The following IMPACT variants were observed in gnomAD, a reference collection of about 807,000 sequenced individuals.
IMPACT encodes impact RWD domain protein.
A neutral mutation model predicts 47.5 loss-of-function variants in IMPACT; 35 were observed. That is an observed-to-expected ratio of 0.74 (90% CI 0.56 to 0.98). The LOEUF (loss-of-function observed/expected upper bound fraction) is 0.98, where lower values mean the gene tolerates loss of function less well. Ranked by LOEUF, IMPACT falls within the 50% of genes least tolerant of loss-of-function variation. The pLI is 0.00. For synonymous variants in IMPACT, 118 were observed against 125.6 expected (o/e 0.94, Z 0.40); for missense variants, 373 against 394.8 (o/e 0.94, Z 0.47).
At chr18:24,433,734 A>T (rs1908828803) in intron 4 of IMPACT, among the ~76,000 whole-genome samples, 1 of 143,638 alleles carries the variant, frequency 7.0e-6, no homozygotes, top group South Asian at 2.2e-4. Context: ...GCAGTGGTGC[A>T]ATTTCAGCTC....
chr18:24,432,429 TG>T (rs1034766619), intron 4 of IMPACT, among the ~76,000 whole-genome samples: 58 of 152,292 alleles, frequency 3.8e-4, no homozygotes, highest in African/African-American at 1.3e-3. Context: ...TTTGTGTCCC[TG>T]GGATCCAGGC....
At chr18:24,428,718 T>C (rs1908674643) in intron 2 of IMPACT, 151 bp from the exon 3 acceptor site, 1 of 525,748 alleles carries the variant, frequency 1.9e-6, no homozygotes, top group Admixed American at 3.8e-5. Flanking sequence ...TTCATCCACT[T>C]GGGGTCAGGG....
intron 1 of IMPACT, chr18:24,427,005 C>G (rs1908626996): frequency 5.1e-6 from 2 of 394,542 alleles, no homozygotes; most frequent in Non-Finnish European, 8.9e-6. Flanking sequence ...GCGGTCTCGG[C>G]CTGTCTCGGA....
chr18:24,432,532 C>A (rs1229785203), intron 4 of IMPACT, among the ~76,000 whole-genome samples: 2 of 152,032 alleles, frequency 1.3e-5, no homozygotes, highest in African/African-American at 4.8e-5. Flanking sequence ...CAAGTATGGT[C>A]TTCCTTGGGT....
In IMPACT at chr18:24,440,546, G is replaced by GATCT; in HGVS notation, c.419_422dup (p.Ile142SerfsTer12). ...AGAGGAAGATGTTGAATGTGAAGAT[G>GATCT]ATCTCATTTTAGCATGTCAGCCGGA... is the stretch of plus-strand genomic sequence containing the variant. On this transcript the variant is annotated frameshift_variant, in exon 6 of 11. Coordinates refer to ENST00000284202, the MANE Select transcript of IMPACT (RefSeq NM_018439.4). LOFTEE classifies it high-confidence loss of function. 1.2e-6 allele frequency: 2 copies of GATCT among 1,612,806 alleles called. No homozygotes were observed. The highest frequency in any genetic ancestry group is 2.2e-5 in the South Asian group (2 of 90,984).
At chr18:24,428,262 A>G (rs1003337760) in intron 2 of IMPACT, among the ~76,000 whole-genome samples, 1 of 152,250 alleles carries the variant, frequency 6.6e-6, no homozygotes, top group Middle Eastern at 3.2e-3. Flanking sequence ...TTAATCATTT[A>G]AAAGTGTTAA....
chr18:24,437,752 A>G (rs1908985365), intron 4 of IMPACT, among the ~76,000 whole-genome samples: 1 of 152,190 alleles, frequency 6.6e-6, no homozygotes, highest in South Asian at 2.1e-4. Context: ...TTTTGGAGTC[A>G]ACTGGAATTT....
At chr18:24,445,498 A>C in intron 8 of IMPACT, 32 bp downstream of exon 8, 1 of 1,316,464 alleles carries the variant, frequency 7.6e-7, no homozygotes, top group Non-Finnish European at 1.1e-6. Context: ...TAGTATACTC[A>C]GTTTGTTAAA....
intron 4 of IMPACT, among the ~76,000 whole-genome samples, chr18:24,430,750 A>C (rs1908732952): frequency 6.6e-6 from 1 of 152,214 alleles, no homozygotes; most frequent in African/African-American, 2.4e-5. Flanking sequence ...AATAAATTAA[A>C]AAAAAGTTAT....
At chr18:24,427,662 A>T in intron 1 of IMPACT, 1 of 425,800 alleles carries the variant, frequency 2.3e-6, no homozygotes, top group Non-Finnish European at 4.1e-6. Flanking sequence ...CATATATATT[A>T]TATTTTGACT....
intron 4 of IMPACT, among the ~76,000 whole-genome samples, chr18:24,436,573 G>C (rs934539628): frequency 6.9e-6 from 1 of 145,958 alleles, no homozygotes; most frequent in East Asian, 2.1e-4. Flanking sequence ...TTTTGAGAAG[G>C]GGTCTTTTTC....
At chr18:24,428,810 T>G (rs1216957545) in intron 2 of IMPACT, 59 bp from the exon 3 acceptor site, 6 of 1,335,142 alleles carry the variant, frequency 4.5e-6, no homozygotes, top group Non-Finnish European at 6.3e-6. Flanking sequence ...GCTTTATAAA[T>G]ATGGTTACTT....
intron 8 of IMPACT, among the ~76,000 whole-genome samples, chr18:24,446,106 C>G (rs1909242474): frequency 6.6e-6 from 1 of 152,064 alleles, no homozygotes; most frequent in African/African-American, 2.4e-5. Flanking sequence ...GTTTTTGAGA[C>G]AGGGTCTCAA....
rs1909291865 is a variant in IMPACT at position 24,448,162 on chromosome 18, G to A, written c.738G>A (p.Gly246=). The change falls in exon 9 of 11, where the codon GGG becomes GGA. Residue 246 remains glycine, a synonymous_variant. Transcript: ENST00000284202. ...ATGATGGGGAAACAGCAGCTGGTGG[G>A]CGTCTTCTTCATCTCATGGAGGTAG... ...CEDDGETAAG[G]RLLHLMEILN... The A allele has an allele frequency of 1.9e-6, 3 of 1,613,092 alleles. No individual in the cohort carries two copies. In the South Asian group the frequency reaches 3.3e-5, roughly 18 times the overall value.
intron 4 of IMPACT, among the ~76,000 whole-genome samples, chr18:24,433,062 A>G (rs529706809): frequency 5.3e-4 from 80 of 152,096 alleles, no homozygotes; most frequent in African/African-American, 1.9e-3. Context: ...AGATTACAAT[A>G]TAGTTTGTTC....
At position 24,453,514 on chromosome 18, in the gene IMPACT, ATTC is replaced by A. The variant is rs34999251; in HGVS notation, c.*2672_*2674del. 18,994 of 152,166 alleles carry A rather than the reference ATTC, an allele frequency of 0.12. 1,453 individuals are homozygous for A. The highest frequency in any genetic ancestry group is 0.16 in the Non-Finnish European group (10,758 of 67,982). The allele number at this position is 152,166 out of a possible 1,614,324, so 9.4% of individuals were successfully genotyped here. ...GTTAACATTTTCCATGTCAATAAAT[ATTC>A]TTCTATGGCTTAAATGTCTTATGAC... On this transcript the variant is annotated 3_prime_UTR_variant, in exon 11 of 11. Transcript: ENST00000284202.
rs557491352 is a variant in IMPACT at position 24,445,443 on chromosome 18, C to G, written c.645C>G (p.Ala215=). 1 of 1,605,158 alleles carries G rather than the reference C, an allele frequency of 6.2e-7. No individual in the cohort carries two copies. Among genetic ancestry groups the G allele is most frequent in the African/African-American group, 1.3e-5 (1 of 74,650 alleles). Residue 215 remains alanine, a synonymous_variant, in exon 8 of 11, where the codon GCC becomes GCG. Transcript: ENST00000284202. Reference sequence around the variant, plus strand: ...ATGAGAATAAGAAAATAGCTAGTGCCACCCACAACATCTATGCCTACAGGT... The same window carrying G: ...ATGAGAATAAGAAAATAGCTAGTGCGACCCACAACATCTATGCCTACAGGT... ...KLYENKKIAS[A]THNIYAYRIY...
rs1909392603 is a variant in IMPACT at position 24,451,718 on chromosome 18, G to A, written c.*871G>A. 6.6e-6 allele frequency: 1 copy of A among 152,212 alleles called. No individual in the cohort carries two copies. The highest frequency in any genetic ancestry group is 2.4e-5 in the African/African-American group (1 of 41,434). 9.4% of individuals were successfully genotyped at this position (152,212 alleles called of 1,614,324 possible). A position where few individuals can be genotyped will look rare whatever the true frequency, so the allele number is the denominator to read the frequency against. On this transcript the variant is annotated 3_prime_UTR_variant, in exon 11 of 11. Transcript: ENST00000284202. The stretch of plus-strand genomic sequence containing the variant: ...TGGCAAATGGGACATTCGTAGAGTG[G>A]GATAGAGGTGGCAGAATGAACCTGG...
chr18:24,440,601 T>A lies in IMPACT; in HGVS notation c.473T>A (p.Ile158Asn). ...TCGCTTAAAGCATTGGATTTTGATATCAGTGAAACTCGGACAGGTATAATG... is the reference window on the plus strand; with the variant it reads ...TCGCTTAAAGCATTGGATTTTGATAACAGTGAAACTCGGACAGGTATAATG... ...ESSLKALDFD[I>N]SETRTEVEVE... is the part of the protein sequence containing the mutation. The change falls in exon 6 of 11, where the codon ATC (isoleucine) becomes AAC (asparagine). Residue 158 changes from isoleucine (I) to asparagine (N), a missense_variant. By Grantham distance (149) the Ile-to-Asn change is moderately radical (BLOSUM62 -3). Coordinates refer to ENST00000284202, the MANE Select transcript of IMPACT (RefSeq NM_018439.4). 2 of 1,613,004 alleles carry A rather than the reference T, an allele frequency of 1.2e-6. No homozygotes were observed. Among genetic ancestry groups the A allele is most frequent in the Non-Finnish European group, 1.7e-6 (2 of 1,179,480 alleles).
Sources: allele counts gnomAD v4.1 joint callset (sites outside exome capture counted in the v4.1 genomes callset), GRCh38; gene constraint gnomAD v4.1.1; transcripts MANE v1.5; gene names NCBI Gene and HGNC (gene_info 2026-07-23, HGNC 2026-07-21).